The following STK33 variants were observed in gnomAD, a reference collection of about 807,000 sequenced individuals.
STK33 encodes serine/threonine kinase 33, also known as serine/threonine-protein kinase 33.
Under a neutral mutation model 58.0 loss-of-function variants are expected in STK33, and 52 were observed. The observed-to-expected ratio is 0.90, with a 90% CI of 0.72 to 1.13. STK33 has a LOEUF of 1.13. Ranked by LOEUF, STK33 falls within the 50% of genes most tolerant of loss-of-function variation. The probability of loss-of-function intolerance (pLI) is 0.00; values close to 1 mark genes in which losing one functional copy is unlikely to be tolerated. For synonymous variants in STK33, 215 were observed against 200.1 expected (o/e 1.07, Z -0.63); for missense variants, 630 against 604.2 (o/e 1.04, Z -0.45).
intron 1 of STK33, among the ~76,000 whole-genome samples, chr11:8,543,233 G>A (rs552694646): frequency 1.5e-3 from 234 of 152,174 alleles, no homozygotes; most frequent in African/African-American, 5.0e-3. Context: ...CCATTTAATT[G>A]TCACTTAAAT....
chr11:8,536,453 G>C (rs372579392), intron 1 of STK33, among the ~76,000 whole-genome samples: 1 of 152,042 alleles, frequency 6.6e-6, no homozygotes, highest in Non-Finnish European at 1.5e-5. Flanking sequence ...GAGAAGATTG[G>C]TCAAGGAACT....
chr11:8,338,478 C>T, the STK33 span, among the ~76,000 whole-genome samples: 1 of 152,152 alleles, frequency 6.6e-6, no homozygotes, highest in Non-Finnish European at 1.5e-5. Flanking sequence ...CCCACCAGAC[C>T]CAGCCGGCCA....
chr11:8,347,862 T>C, the STK33 span, among the ~76,000 whole-genome samples: 2 of 152,248 alleles, frequency 1.3e-5, no homozygotes, highest in Non-Finnish European at 2.9e-5. Flanking sequence ...TTCTCTCCAC[T>C]GTGGCGGAAG....
rs368128618 is a variant in STK33, at chr11:8,535,820, T to A, written c.-465-55206A>T. On this transcript the variant is annotated intron_variant, in intron 1 of 15. Coordinates refer to ENST00000687296, the MANE Select transcript of STK33 (RefSeq NM_001352389.2). ...ATTGCAGCATTATTCACAATAGTAA[T>A]GATATGGAATCAACCTAAGTGTCCC... 3.9e-3 allele frequency among the ~76,000 whole-genome samples: 594 copies of A among 152,244 alleles called. 2 individuals carry two copies. Among genetic ancestry groups the A allele is most frequent in the African/African-American group, 0.013 (550 of 41,548 alleles).
chr11:8,520,437 A>T (rs982106790), intron 1 of STK33, among the ~76,000 whole-genome samples: 3 of 152,158 alleles, frequency 2.0e-5, no homozygotes, highest in Admixed American at 1.3e-4. Flanking sequence ...CTGGCACAAG[A>T]CAGGGATGCC....
the STK33 span, among the ~76,000 whole-genome samples, chr11:8,371,873 CTCTT>C: frequency 7.5e-6 from 1 of 134,006 alleles, no homozygotes; most frequent in Non-Finnish European, 1.6e-5. Context: ...CTCCCTCCTT[CTCTT>C]TATTTTTCCT....
intron 12 of STK33, among the ~76,000 whole-genome samples, chr11:8,439,578 C>T (rs1381830870): frequency 6.6e-6 from 1 of 151,784 alleles, no homozygotes; most frequent in African/African-American, 2.4e-5. Context: ...GAGCTGGGTC[C>T]ACCCAGGAGA....
chr11:8,491,949 A>C (rs1310051629), intron 1 of STK33, among the ~76,000 whole-genome samples: 4 of 152,236 alleles, frequency 2.6e-5, no homozygotes, highest in Non-Finnish European at 4.4e-5. Context: ...AGGAAGCACC[A>C]AACACGGAAA....
chr11:8,547,172 T>G (rs1955987460), intron 1 of STK33, among the ~76,000 whole-genome samples: 1 of 152,178 alleles, frequency 6.6e-6, no homozygotes, highest in South Asian at 2.1e-4. Context: ...CGATAAGAAT[T>G]TTTTCATATA....
the STK33 span, among the ~76,000 whole-genome samples, chr11:8,375,829 C>G: frequency 1.3e-5 from 2 of 152,152 alleles, no homozygotes; most frequent in Non-Finnish European, 2.9e-5. Flanking sequence ...TTCCTGAGGC[C>G]TCTCCAGCCA....
chr11:8,411,962 C>T (rs1043360127), intron 15 of STK33, among the ~76,000 whole-genome samples: 4 of 151,900 alleles, frequency 2.6e-5, no homozygotes, highest in Non-Finnish European at 5.9e-5. Flanking sequence ...CTTGCAGGGG[C>T]GGCTGGAGGA....
chr11:8,434,549 A>G (rs1461354965), intron 14 of STK33, among the ~76,000 whole-genome samples: 3 of 152,206 alleles, frequency 2.0e-5, no homozygotes, highest in African/African-American at 7.2e-5. Flanking sequence ...CGTAAAGATG[A>G]CAGAAGTCTG....
intron 1 of STK33, among the ~76,000 whole-genome samples, chr11:8,491,048 G>A (rs1443280489): frequency 2.6e-5 from 4 of 152,182 alleles, no homozygotes; most frequent in East Asian, 3.9e-4. Flanking sequence ...CCAAAGGATT[G>A]CAGCTCCTCG....
At chr11:8,390,987 T>C (rs1848613057), downstream of STK33, among the ~76,000 whole-genome samples, 1 of 152,190 alleles carries the variant, frequency 6.6e-6, no homozygotes. Flanking sequence ...TGGTTAGGCT[T>C]TTCTGCAAGG....
intron 1 of STK33, among the ~76,000 whole-genome samples, chr11:8,544,283 T>G (rs1397001643): frequency 1.4e-5 from 2 of 147,410 alleles, no homozygotes; most frequent in Non-Finnish European, 3.0e-5. Flanking sequence ...ATGAAAACTA[T>G]CCCAAGTGGA....
At chr11:8,518,333 C>T (rs985956744) in intron 1 of STK33, among the ~76,000 whole-genome samples, 5 of 151,984 alleles carry the variant, frequency 3.3e-5, no homozygotes, top group Non-Finnish European at 5.9e-5. Flanking sequence ...CAAGAGCTCC[C>T]GAAGGAAGTA....
intron 1 of STK33, among the ~76,000 whole-genome samples, chr11:8,512,863 C>T (rs1952451255): frequency 6.6e-6 from 1 of 152,284 alleles, no homozygotes; most frequent in East Asian, 1.9e-4. Flanking sequence ...CCCTGCTCTT[C>T]TTTCTTCCTA....
Position 8,392,354 on chromosome 11 carries a change from G to A in STK33, c.*156C>T. ...GCTTATGCTGCTTTGGAGATAAGCA[G>A]CTTCAATTTTAAGCTGGTGCAAACA... On this transcript the variant is annotated 3_prime_UTR_variant, in exon 16 of 16. Coordinates refer to ENST00000687296, the MANE Select transcript of STK33 (RefSeq NM_001352389.2). The A allele has an allele frequency of 3.5e-6, 3 of 851,954 alleles. No individual in the cohort carries two copies. The highest frequency in any genetic ancestry group is 5.6e-6 in the Non-Finnish European group (3 of 535,726). The allele number at this position is 851,954 out of a possible 1,614,324, so 52.8% of individuals were successfully genotyped here.
At chr11:8,340,809 G>A in the STK33 span, among the ~76,000 whole-genome samples, 1 of 152,176 alleles carries the variant, frequency 6.6e-6, no homozygotes, top group Non-Finnish European at 1.5e-5. Flanking sequence ...TCGCAGAGCT[G>A]GGTCTTGCCC....
Sources: allele counts gnomAD v4.1 joint callset (sites outside exome capture counted in the v4.1 genomes callset), GRCh38; gene constraint gnomAD v4.1.1; transcripts MANE v1.5; gene names NCBI Gene and HGNC (gene_info 2026-07-23, HGNC 2026-07-21).